Variants in GALNT17 observed in about 807,000 individuals in gnomAD.
GALNT17 encodes the protein polypeptide N-acetylgalactosaminyltransferase 17.
GALNT17 carries 29 observed loss-of-function variants against 63.7 expected under a neutral mutation model. That is an observed-to-expected ratio of 0.46 (90% CI 0.34 to 0.62). The LOEUF (loss-of-function observed/expected upper bound fraction) is 0.62, where lower values mean the gene tolerates loss of function less well. Among genes scored for constraint, GALNT17 ranks in the 20% least tolerant of loss-of-function variants. GALNT17 has a pLI of 0.01. For missense variants in GALNT17, 603 were observed against 799.6 expected (o/e 0.75, Z 2.97); for synonymous variants, 305 against 318.3 (o/e 0.96, Z 0.45).
At chr7:71,434,746 C>T (rs959049501) in intron 5 of GALNT17, among the ~76,000 whole-genome samples, 4 of 152,094 alleles carry the variant, frequency 2.6e-5, no homozygotes, top group Non-Finnish European at 5.9e-5. Flanking sequence ...TAGAAAATTG[C>T]CGTAACAAAA....
intron 3 of GALNT17, among the ~76,000 whole-genome samples, chr7:71,401,721 C>CT (rs1398990735): frequency 6.6e-6 from 1 of 152,182 alleles, no homozygotes; most frequent in African/African-American, 2.4e-5. Flanking sequence ...TTATGAGAAT[C>CT]TAACGCCTAT....
chr7:71,234,711 A>G (rs1789855322), intron 1 of GALNT17, among the ~76,000 whole-genome samples: 1 of 152,196 alleles, frequency 6.6e-6, no homozygotes, highest in South Asian at 2.1e-4. Context: ...CCATGTTGAC[A>G]TGGAACTTTC....
chr7:71,416,476 G>A (rs1793528339), intron 4 of GALNT17, among the ~76,000 whole-genome samples: 2 of 152,104 alleles, frequency 1.3e-5, no homozygotes, highest in African/African-American at 4.8e-5. Flanking sequence ...ACCTGGCATG[G>A]TGGAGCACGC....
chr7:71,627,134 G>A (rs950583787), intron 6 of GALNT17, among the ~76,000 whole-genome samples: 2 of 152,340 alleles, frequency 1.3e-5, no homozygotes, highest in South Asian at 2.1e-4. Context: ...GAACAGACAC[G>A]TTTGGAAGCT....
chr7:71,358,393 T>A (rs1325237796), intron 2 of GALNT17, among the ~76,000 whole-genome samples: 1 of 152,186 alleles, frequency 6.6e-6, no homozygotes. Flanking sequence ...AGATTCTGTC[T>A]CAAAAAATAA....
chr7:71,362,171 T>G (rs1792414896), intron 2 of GALNT17, among the ~76,000 whole-genome samples: 1 of 152,170 alleles, frequency 6.6e-6, no homozygotes, highest in South Asian at 2.1e-4. Context: ...TTGGCCAGGC[T>G]GGTCTCGAAC....
At chr7:71,560,842 G>T (rs951006179) in intron 5 of GALNT17, among the ~76,000 whole-genome samples, 4 of 152,200 alleles carry the variant, frequency 2.6e-5, no homozygotes, top group Non-Finnish European at 5.9e-5. Context: ...TGGAGACCCT[G>T]CCTGTTTGCT....
At chr7:71,624,110 G>A (rs573050089) in intron 6 of GALNT17, among the ~76,000 whole-genome samples, 1 of 152,254 alleles carries the variant, frequency 6.6e-6, no homozygotes, top group East Asian at 1.9e-4. Context: ...CTGTGCTTAC[G>A]GTTGGGGTCA....
intron 1 of GALNT17, among the ~76,000 whole-genome samples, chr7:71,144,707 C>T (rs548767639): frequency 3.4e-4 from 51 of 151,884 alleles, no homozygotes; most frequent in African/African-American, 9.2e-4. Context: ...CCCTCAAATC[C>T]GTCTCCTGAA....
At chr7:71,450,850 T>C (rs921283580) in intron 5 of GALNT17, among the ~76,000 whole-genome samples, 1 of 152,202 alleles carries the variant, frequency 6.6e-6, no homozygotes, top group Non-Finnish European at 1.5e-5. Context: ...TTATATAAGC[T>C]TGGAGAAAAT....
chr7:71,480,086 G>A (rs559978909), intron 5 of GALNT17, among the ~76,000 whole-genome samples: 3 of 150,250 alleles, frequency 2.0e-5, no homozygotes, highest in South Asian at 2.1e-4. Flanking sequence ...GTTGGGCTGA[G>A]ATTAAAATGA....
chr7:71,368,619 T>C (rs1188908498), intron 2 of GALNT17, among the ~76,000 whole-genome samples: 1 of 152,188 alleles, frequency 6.6e-6, no homozygotes, highest in Non-Finnish European at 1.5e-5. Flanking sequence ...GTCATAATTA[T>C]GATTTACATA....
At chr7:71,311,801 T>C (rs146111803) in intron 1 of GALNT17, among the ~76,000 whole-genome samples, 330 of 152,304 alleles carry the variant, frequency 2.2e-3, no homozygotes, top group Non-Finnish European at 4.0e-3. Context: ...AGGCAAAAGA[T>C]GCTACAGCTA....
intron 1 of GALNT17, among the ~76,000 whole-genome samples, chr7:71,189,005 G>A (rs1044787420): frequency 6.6e-6 from 1 of 152,164 alleles, no homozygotes; most frequent in African/African-American, 2.4e-5. Flanking sequence ...ACAAGAAGGA[G>A]GGGAAGACTA....
At chr7:71,170,172 TTG>T (rs1354967857) in intron 1 of GALNT17, among the ~76,000 whole-genome samples, 1 of 152,160 alleles carries the variant, frequency 6.6e-6, no homozygotes, top group Non-Finnish European at 1.5e-5. Context: ...ACATCTTGCC[TTG>T]ATAGTGAATG....
chr7:71,588,468 C>T (rs1303640513), intron 6 of GALNT17, among the ~76,000 whole-genome samples: 1 of 152,124 alleles, frequency 6.6e-6, no homozygotes, highest in Admixed American at 6.5e-5. Flanking sequence ...ATACCACCTC[C>T]TTGATATAGA....
chr7:71,360,433 T>C (rs1792375811), intron 2 of GALNT17, among the ~76,000 whole-genome samples: 1 of 152,234 alleles, frequency 6.6e-6, no homozygotes, highest in Non-Finnish European at 1.5e-5. Flanking sequence ...AAAAAGTCAT[T>C]TTCCAAGTTC....
intron 1 of GALNT17, among the ~76,000 whole-genome samples, chr7:71,276,802 A>T (rs1264574578): frequency 9.9e-5 from 15 of 152,120 alleles, no homozygotes; most frequent in Admixed American, 9.8e-4. Flanking sequence ...GTTTGAGACC[A>T]GCCTGGCCAA....
intron 3 of GALNT17, among the ~76,000 whole-genome samples, chr7:71,404,891 C>T (rs1199881708): frequency 6.6e-6 from 1 of 152,238 alleles, no homozygotes; most frequent in Non-Finnish European, 1.5e-5. Flanking sequence ...TGCCTCAAGT[C>T]CAGAGCCTGC....
Sources: gnomAD v4.1 joint callset for allele counts (sites outside exome capture counted in the v4.1 genomes callset) on GRCh38, gnomAD v4.1.1 for gene constraint, MANE v1.5 for transcripts, NCBI Gene and HGNC (gene_info 2026-07-23, HGNC 2026-07-21) for gene names.